MAP2K5: variants seen among roughly 807,000 people sequenced by gnomAD.
The protein encoded by MAP2K5 is mitogen-activated protein kinase kinase 5, also known as dual specificity mitogen-activated protein kinase kinase 5.
Under a neutral mutation model 83.1 loss-of-function variants are expected in MAP2K5, and 49 were observed. The observed-to-expected ratio is 0.59, with a 90% CI of 0.47 to 0.75. The LOEUF is 0.75. Ranked by LOEUF, MAP2K5 falls within the 30% of genes least tolerant of loss-of-function variation. The pLI is 0.00. For missense variants in MAP2K5, 457 were observed against 557.5 expected, an observed-to-expected ratio of 0.82 and a Z score of 1.82; for synonymous variants, 202 against 191.8, an observed-to-expected ratio of 1.05 and a Z score of -0.44.
At chr15:67,689,007 G>T (rs1463914117) in intron 13 of MAP2K5, among the ~76,000 whole-genome samples, 1 of 152,198 alleles carries the variant, frequency 6.6e-6, no homozygotes, top group Non-Finnish European at 1.5e-5. Flanking sequence ...TACATTTAAA[G>T]ATGTATAAAG....
At chr15:67,753,219 G>A (rs1253796097) in intron 19 of MAP2K5, among the ~76,000 whole-genome samples, 2 of 152,106 alleles carry the variant, frequency 1.3e-5, no homozygotes, top group Admixed American at 6.5e-5. Context: ...AGACTTAAAT[G>A]TAAGAGTAAA....
intron 4 of MAP2K5, among the ~76,000 whole-genome samples, chr15:67,585,358 G>C (rs1443206994): frequency 6.6e-6 from 1 of 152,148 alleles, no homozygotes; most frequent in Non-Finnish European, 1.5e-5. Flanking sequence ...AGATTTGCAA[G>C]AAATGTAATA....
At chr15:67,718,786 ATAG>A (rs1376898969) in intron 16 of MAP2K5, among the ~76,000 whole-genome samples, 2 of 152,206 alleles carry the variant, frequency 1.3e-5, no homozygotes, top group Non-Finnish European at 2.9e-5. Context: ...TTATGGGTAC[ATAG>A]TAAGTGTACA....
At chr15:67,595,975 TC>T (rs2085517276) in intron 7 of MAP2K5, among the ~76,000 whole-genome samples, 2 of 50,856 alleles carry the variant, frequency 3.9e-5, no homozygotes, top group Non-Finnish European at 7.2e-5. Flanking sequence ...AGTTATTTTT[TC>T]TTTTTTTTTT....
intron 8 of MAP2K5, among the ~76,000 whole-genome samples, chr15:67,623,089 G>A (rs1013234071): frequency 6.6e-6 from 1 of 152,134 alleles, no homozygotes; most frequent in East Asian, 1.9e-4. Flanking sequence ...GCGACAGAGC[G>A]AGACTCCGTC....
rs547873983 is a variant in MAP2K5, at chr15:67,734,185, T to A, written c.1074+6240T>A. 2.6e-5 allele frequency among the ~76,000 whole-genome samples: 4 copies of A among 152,336 alleles called. No homozygotes were observed. The South Asian group carries it at 8.3e-4, about 32-fold the overall frequency. On this transcript the variant is annotated intron_variant, in intron 17 of 21. Transcript: ENST00000178640. ...CTGCATCTGAAAGTTTGCTAAATAATTGGGTAGTTTTAATTGAAATTACTG... is the reference window on the plus strand; with the variant it reads ...CTGCATCTGAAAGTTTGCTAAATAAATGGGTAGTTTTAATTGAAATTACTG...
At chr15:67,560,947 C>T (rs2084723240) in intron 2 of MAP2K5, among the ~76,000 whole-genome samples, 1 of 152,078 alleles carries the variant, frequency 6.6e-6, no homozygotes, top group African/African-American at 2.4e-5. Context: ...GGTTTTCACT[C>T]GTTTTACCAA....
intron 8 of MAP2K5, among the ~76,000 whole-genome samples, chr15:67,611,854 A>T (rs2085931026): frequency 1.3e-5 from 2 of 152,172 alleles, no homozygotes; most frequent in South Asian, 4.1e-4. Flanking sequence ...TCTCTAGCAG[A>T]TATACTTCAG....
intron 4 of MAP2K5, among the ~76,000 whole-genome samples, chr15:67,583,269 A>C (rs923479242): frequency 6.6e-6 from 1 of 152,186 alleles, no homozygotes; most frequent in Non-Finnish European, 1.5e-5. Context: ...TAGAGTGTGC[A>C]TGGGAGTAGT....
intron 15 of MAP2K5, among the ~76,000 whole-genome samples, chr15:67,701,058 TG>T (rs1211853070): frequency 2.6e-5 from 4 of 152,168 alleles, no homozygotes; most frequent in African/African-American, 9.7e-5. Flanking sequence ...ATTTTGTATG[TG>T]GGTTCCACTT....
In MAP2K5 at chr15:67,680,898, G is replaced by A. The variant is rs193000551; in HGVS notation, c.848-11581G>A. Reference sequence around the variant, plus strand: ...ACACTTGCTACCCTAGAAGAAGCCTGCCTTCAGGTGGAGCTGGTATAATGA... The same window carrying A: ...ACACTTGCTACCCTAGAAGAAGCCTACCTTCAGGTGGAGCTGGTATAATGA... On this transcript the variant is annotated intron_variant, in intron 13 of 21. Coordinates refer to ENST00000178640, the MANE Select transcript of MAP2K5 (RefSeq NM_145160.3). Among the ~76,000 whole-genome samples the A allele has an allele frequency of 2.6e-4, 40 of 152,312 alleles. No homozygotes were observed. The East Asian group carries it at 5.4e-3, about 21-fold the overall frequency.
At chr15:67,744,293 T>A (rs1435132985) in intron 17 of MAP2K5, among the ~76,000 whole-genome samples, 1 of 152,206 alleles carries the variant, frequency 6.6e-6, no homozygotes, top group Non-Finnish European at 1.5e-5. Flanking sequence ...AGCTCAACAT[T>A]GAAAGCTAGA....
In MAP2K5 at chr15:67,807,017, G is replaced by A. The variant is rs1242038993; in HGVS notation, c.*267G>A. 13 of 1,392,998 alleles carry A rather than the reference G, an allele frequency of 9.3e-6. No homozygotes were observed. Among genetic ancestry groups the A allele is most frequent in the South Asian group, 2.8e-5 (2 of 72,094 alleles). The allele number at this position is 1,392,998 out of a possible 1,614,324, so 86.3% of individuals were successfully genotyped here. A position where few individuals can be genotyped will look rare whatever the true frequency, so the allele number is the denominator to read the frequency against. ...GGGCATTGAGAATGGAGGCTCCCAG[G>A]GTCCCTGCCCACTTCTGTTTTCCTA... is the stretch of plus-strand genomic sequence containing the variant. On this transcript the variant is annotated 3_prime_UTR_variant, in exon 22 of 22. Coordinates refer to ENST00000178640, the MANE Select transcript of MAP2K5 (RefSeq NM_145160.3). The surrounding 1 kb of genome is among the most constrained non-coding windows in gnomAD (Gnocchi z 5.1).
At chr15:67,597,986 C>G (rs1045840850) in intron 7 of MAP2K5, among the ~76,000 whole-genome samples, 1 of 152,040 alleles carries the variant, frequency 6.6e-6, no homozygotes, top group African/African-American at 2.4e-5. Context: ...AGGCTGATCA[C>G]CTGAGGTCAG....
rs2141286362 is a variant in MAP2K5, at chr15:67,758,505, C to T, written c.1134+9904C>T. On this transcript the variant is annotated intron_variant, in intron 19 of 21. Coordinates refer to ENST00000178640, the MANE Select transcript of MAP2K5 (RefSeq NM_145160.3). This position sits in a 1 kb window ranked among gnomAD's most constrained non-coding sequence, Gnocchi z 4.7. The stretch of plus-strand genomic sequence containing the variant: ...CAATTATGAGTTTAACAACTAGACT[C>T]TAAGTTCCTAGACATTTTATTTCTG... Among the ~76,000 whole-genome samples the T allele has an allele frequency of 7.6e-6, 1 of 131,490 alleles. No homozygotes were observed. Among genetic ancestry groups the T allele is most frequent in the South Asian group, 2.4e-4 (1 of 4,142 alleles). 86.3% of individuals were successfully genotyped at this position (131,490 alleles called of 152,430 possible). A position where few individuals can be genotyped will look rare whatever the true frequency, so the allele number is the denominator to read the frequency against.
rs938061047 is a variant in MAP2K5, at chr15:67,655,526, G to A, written c.737-3027G>A. 2.8e-3 allele frequency among the ~76,000 whole-genome samples: 15 copies of A among 5,410 alleles called. No individual in the cohort carries two copies. The Non-Finnish European group carries it at 0.062, about 22-fold the overall frequency. The allele number at this position is 5,410 out of a possible 152,430, so 3.5% of individuals were successfully genotyped here. On this transcript the variant is annotated intron_variant, in intron 11 of 21. Transcript: ENST00000178640. ...TTGGTTTATAATCTTTTTCTTTCAT[G>A]TTCAAATGTCATTCCCCTGCCTCTG...
At chr15:67,712,686 A>C (rs1015471037) in intron 16 of MAP2K5, among the ~76,000 whole-genome samples, 9 of 152,208 alleles carry the variant, frequency 5.9e-5, no homozygotes, top group African/African-American at 1.9e-4. Context: ...TAGGAGGCCG[A>C]GGCAGGCGGA....
intron 17 of MAP2K5, among the ~76,000 whole-genome samples, chr15:67,732,363 A>G (rs764686463): frequency 6.6e-6 from 1 of 152,246 alleles, no homozygotes; most frequent in East Asian, 1.9e-4. Flanking sequence ...TAGCAAATCC[A>G]TTAAGGAGAC....
At chr15:67,551,537 T>C (rs2084511216) in intron 2 of MAP2K5, among the ~76,000 whole-genome samples, 1 of 152,146 alleles carries the variant, frequency 6.6e-6, no homozygotes, top group Non-Finnish European at 1.5e-5. Flanking sequence ...CTTGCTATGT[T>C]GTCCAGGCTA....
Sources: allele counts gnomAD v4.1 joint callset (sites outside exome capture counted in the v4.1 genomes callset), GRCh38; gene constraint gnomAD v4.1.1; non-coding constraint Gnocchi (gnomAD v3.1); transcripts MANE v1.5; gene names NCBI Gene and HGNC (gene_info 2026-07-23, HGNC 2026-07-21).